Variants in PCSK5 observed in about 807,000 individuals in gnomAD.
PCSK5 encodes the protein prohormone convertase 5.
A neutral mutation model predicts 233.2 loss-of-function variants in PCSK5; 129 were observed. The observed-to-expected ratio is 0.55, with a 90% confidence interval of 0.48 to 0.64. The LOEUF is 0.64. PCSK5 is among the 30% of genes least tolerant of loss of function. PCSK5 has a pLI of 0.00. For synonymous variants in PCSK5, 825 were observed against 879.2 expected (o/e 0.94, Z 1.09); for missense variants, 2,076 against 2,430.1 (o/e 0.85, Z 3.06).
chr9:76,070,049 G>A (rs1464333476), intron 6 of PCSK5, among the ~76,000 whole-genome samples: 4 of 146,420 alleles, frequency 2.7e-5, no homozygotes, highest in African/African-American at 1.0e-4. Context: ...CACCCAGGCT[G>A]GAGTGCAGTG....
chr9:76,295,374 T>C lies in PCSK5; in HGVS notation c.3285T>C (p.Asn1095=). The part of the protein sequence containing the change: ...CDSNCGSCDQ[N]GCYWCEEGFF... ...GTAACTGTGGCAGCTGTGACCAGAA[T>C]GGGTGTTACTGGTGTGAAGAGGGCT... Residue 1095 remains asparagine, a synonymous_variant, in exon 26 of 38, where the codon AAT becomes AAC. Coordinates refer to ENST00000674117, the MANE Select transcript of PCSK5 (RefSeq NM_001372043.1). 1 of 1,612,182 alleles carries C rather than the reference T, an allele frequency of 6.2e-7. No individual in the cohort carries two copies. The highest frequency in any genetic ancestry group is 8.5e-7 in the Non-Finnish European group (1 of 1,179,420).
At chr9:76,053,713 G>A (rs1189188154) in intron 5 of PCSK5, among the ~76,000 whole-genome samples, 1 of 152,074 alleles carries the variant, frequency 6.6e-6, no homozygotes, top group Admixed American at 6.6e-5. Context: ...ATCACTATGA[G>A]CATTTTAGTC....
intron 9 of PCSK5, among the ~76,000 whole-genome samples, chr9:76,131,301 TG>T (rs1437332645): frequency 1.3e-4 from 20 of 152,168 alleles, no homozygotes; most frequent in Non-Finnish European, 1.5e-5. Context: ...AATTAACCTA[TG>T]GCTATTTCCT....
At chr9:76,123,293 A>G (rs376822450) in intron 9 of PCSK5, among the ~76,000 whole-genome samples, 1 of 152,326 alleles carries the variant, frequency 6.6e-6, no homozygotes, top group South Asian at 2.1e-4. Flanking sequence ...ATTGTTTGCA[A>G]TGAATCCTCC....
intron 2 of PCSK5, among the ~76,000 whole-genome samples, chr9:75,973,482 T>A (rs1825886544): frequency 6.6e-6 from 1 of 152,136 alleles, no homozygotes; most frequent in South Asian, 2.1e-4. Context: ...GTGAATACAG[T>A]CATTAATTCT....
chr9:76,026,979 G>A lies in PCSK5; in HGVS notation c.574G>A (p.Asp192Asn). ...GCCATAGGATGCTCTGGCAAGTTGC[G>A]ACGTGAATGGGAATGACTTGGACCC... The part of the protein sequence containing the change: ...MQNYDALASC[D>N]VNGNDLDPMP... The change falls in exon 5 of 38, where the codon GAC (aspartate) becomes AAC (asparagine). Residue 192 changes from aspartate to asparagine, a missense_variant. Asp to Asn is a conservative substitution (Grantham distance 23, BLOSUM62 1). Coordinates refer to ENST00000674117, the MANE Select transcript of PCSK5 (RefSeq NM_001372043.1). 1 of 1,607,494 alleles carries A rather than the reference G, an allele frequency of 6.2e-7. No homozygotes were observed. Among genetic ancestry groups the A allele is most frequent in the Non-Finnish European group, 8.5e-7 (1 of 1,176,436 alleles).
chr9:76,239,800 C>T (rs1003069238), intron 23 of PCSK5, among the ~76,000 whole-genome samples: 2 of 151,740 alleles, frequency 1.3e-5, no homozygotes, highest in African/African-American at 4.8e-5. Context: ...AAATAAAATT[C>T]GAATCCAAAA....
chr9:76,292,905 T>C (rs974319455), intron 25 of PCSK5, among the ~76,000 whole-genome samples: 3 of 152,192 alleles, frequency 2.0e-5, no homozygotes, highest in Non-Finnish European at 4.4e-5. Context: ...GGGTGATGCA[T>C]GGGCTGCATA....
intron 20 of PCSK5, among the ~76,000 whole-genome samples, chr9:76,202,619 C>T (rs542614554): frequency 6.6e-6 from 1 of 152,256 alleles, no homozygotes; most frequent in Non-Finnish European, 1.5e-5. Flanking sequence ...GCCCTGCACC[C>T]TAGAACACCC....
At chr9:76,017,652 G>C (rs1828003344) in intron 3 of PCSK5, among the ~76,000 whole-genome samples, 1 of 152,070 alleles carries the variant, frequency 6.6e-6, no homozygotes, top group Admixed American at 6.5e-5. Flanking sequence ...AATGTATTGG[G>C]CTTCCATGGG....
At chr9:76,179,437 C>T (rs145726109) in intron 14 of PCSK5, among the ~76,000 whole-genome samples, 159 bp from the exon 15 acceptor site, 1 of 152,058 alleles carries the variant, frequency 6.6e-6, no homozygotes, top group African/African-American at 2.4e-5. Context: ...GTCAAGAGCT[C>T]ATCTCTGGAC....
chr9:76,332,580 GAA>G lies in PCSK5; in HGVS notation c.4721_4722del (p.Lys1574ArgfsTer20). The G allele has an allele frequency of 1.2e-6, 2 of 1,603,978 alleles. No individual in the cohort carries two copies. The highest frequency in any genetic ancestry group is 1.7e-6 in the Non-Finnish European group (2 of 1,175,172). On this transcript the variant is annotated frameshift_variant, in exon 34 of 38. Coordinates refer to ENST00000674117, the MANE Select transcript of PCSK5 (RefSeq NM_001372043.1). LOFTEE classifies it high-confidence loss of function. ...TGCCGACCGGGCTGGTTCCAGCTAGGAAAAGAGTGCCTGCTCCAGTGCAGGGA... is the reference window on the plus strand; with the variant it reads ...TGCCGACCGGGCTGGTTCCAGCTAGGAAGAGTGCCTGCTCCAGTGCAGGGA...
chr9:75,894,766 G>A (rs376642334), intron 1 of PCSK5, among the ~76,000 whole-genome samples: 3 of 152,130 alleles, frequency 2.0e-5, no homozygotes, highest in African/African-American at 4.8e-5. Context: ...TGACCTGCAC[G>A]GGAATAGAGG....
intron 24 of PCSK5, among the ~76,000 whole-genome samples, chr9:76,256,639 A>T (rs1457120333): frequency 6.6e-6 from 1 of 152,180 alleles, no homozygotes; most frequent in Non-Finnish European, 1.5e-5. Flanking sequence ...TTAGTGAAAT[A>T]TCTTCGATTT....
chr9:76,328,450 C>T (rs1829435428), intron 33 of PCSK5, among the ~76,000 whole-genome samples: 1 of 152,210 alleles, frequency 6.6e-6, no homozygotes, highest in Non-Finnish European at 1.5e-5. Context: ...AATTGCTCAT[C>T]TTCTACACCA....
At chr9:76,162,218 C>T (rs746467144) in intron 12 of PCSK5, among the ~76,000 whole-genome samples, 3 of 152,336 alleles carry the variant, frequency 2.0e-5, no homozygotes, top group East Asian at 1.9e-4. Flanking sequence ...CTGGCTCCCC[C>T]GTTCCTGCTG....
chr9:75,966,155 T>G (rs1032420223), intron 2 of PCSK5, among the ~76,000 whole-genome samples: 4 of 152,110 alleles, frequency 2.6e-5, no homozygotes, highest in South Asian at 2.1e-4. Context: ...AGGTTAACAC[T>G]TTGGGTACGT....
chr9:76,019,727 A>G (rs1002955330), intron 3 of PCSK5, among the ~76,000 whole-genome samples: 2 of 152,194 alleles, frequency 1.3e-5, no homozygotes, highest in African/African-American at 2.4e-5. Flanking sequence ...AGTGGTTTAT[A>G]AGCAGAATAG....
chr9:75,996,300 A>G (rs151128315), intron 3 of PCSK5, among the ~76,000 whole-genome samples: 87 of 152,298 alleles, frequency 5.7e-4, no homozygotes, highest in African/African-American at 2.0e-3. Context: ...CCAAGAACCT[A>G]TATTATTCCT....
Sources: allele counts gnomAD v4.1 joint callset (sites outside exome capture counted in the v4.1 genomes callset), GRCh38; gene constraint gnomAD v4.1.1; transcripts MANE v1.5; gene names NCBI Gene and HGNC (gene_info 2026-07-23, HGNC 2026-07-21).